ONECUT1: variants seen among roughly 807,000 people sequenced by gnomAD.
ONECUT1 encodes hepatocyte nuclear factor 6.
In ONECUT1, 12 loss-of-function variants were observed where a neutral mutation model predicts 25.6. That is an observed-to-expected ratio of 0.47 (90% confidence interval 0.30 to 0.76). The LOEUF is 0.76. Among genes scored for constraint, ONECUT1 ranks in the 30% least tolerant of loss-of-function variants. ONECUT1 has a pLI of 0.07. For missense variants in ONECUT1, 620 were observed against 651.2 expected (o/e 0.95, Z 0.52); for synonymous variants, 285 against 270.2 (o/e 1.05, Z -0.54).
intron 1 of ONECUT1, among the ~76,000 whole-genome samples, chr15:52,764,356 A>C (rs922051475): frequency 2.6e-5 from 4 of 152,202 alleles, no homozygotes; most frequent in African/African-American, 9.7e-5. Context: ...AATTTGGGGG[A>C]CACATTCAAA....
Position 52,789,459 on chromosome 15 carries a change from C to A in ONECUT1, c.426G>T (p.Ala142=). The change falls in exon 1 of 2, where the codon GCG becomes GCT. Residue 142 remains alanine, a synonymous_variant. Coordinates refer to ENST00000305901, the MANE Select transcript of ONECUT1 (RefSeq NM_004498.4). This position sits in a 1 kb window ranked among gnomAD's most constrained non-coding sequence, Gnocchi z 4.1. The part of the protein sequence containing the change: ...HHHPHHHQRL[A]GNVSGSFTLM... Reference sequence around the variant, plus strand: ...GCGTGAAGCTACCGCTCACGTTGCCCGCCAGGCGCTGGTGGTGGTGCGGGT... The same window carrying A: ...GCGTGAAGCTACCGCTCACGTTGCCAGCCAGGCGCTGGTGGTGGTGCGGGT... 1 of 1,613,650 alleles carries A rather than the reference C, an allele frequency of 6.2e-7. No individual in the cohort carries two copies. The highest frequency in any genetic ancestry group is 8.5e-7 in the Non-Finnish European group (1 of 1,179,982).
intron 1 of ONECUT1, chr15:52,781,290 C>G (rs1566993335): frequency 6.6e-6 from 1 of 152,218 alleles, no homozygotes; most frequent in Non-Finnish European, 1.5e-5. Flanking sequence ...ACATCTACTT[C>G]TGGCACTTCC....
intron 1 of ONECUT1, among the ~76,000 whole-genome samples, chr15:52,786,766 T>A (rs1462375466): frequency 6.8e-6 from 1 of 148,042 alleles, no homozygotes; most frequent in East Asian, 2.1e-4. Flanking sequence ...CGTGTCAGTC[T>A]GTCCTTCCAG....
chr15:52,762,354 T>A (rs1291579036), intron 1 of ONECUT1, among the ~76,000 whole-genome samples: 1 of 152,250 alleles, frequency 6.6e-6, no homozygotes, highest in East Asian at 1.9e-4. Context: ...CTATTATATA[T>A]TGCCTCTTCC....
Position 52,768,055 on chromosome 15 carries a change from G to T in ONECUT1, c.1106-10208C>A, listed in dbSNP as rs116533066. 9.2e-3 allele frequency among the ~76,000 whole-genome samples: 1,407 copies of T among 152,172 alleles called. 16 individuals carry two copies. Among genetic ancestry groups the T allele is most frequent in the African/African-American group, 0.027 (1,119 of 41,514 alleles). On this transcript the variant is annotated intron_variant, in intron 1 of 1. Coordinates refer to ENST00000305901, the MANE Select transcript of ONECUT1 (RefSeq NM_004498.4). ...GCTGGGAAGGGTAGTGGGGAGTGGG[G>T]GATAAAGAGGGGATGCTTAATGGGT... is the stretch of plus-strand genomic sequence containing the variant.
intron 1 of ONECUT1, among the ~76,000 whole-genome samples, chr15:52,782,103 G>A (rs558712188): frequency 4.6e-5 from 7 of 152,252 alleles, no homozygotes; most frequent in African/African-American, 1.7e-4. Context: ...TTTTACACAC[G>A]TAAACATGTG....
At chr15:52,786,665 T>C (rs554327434) in intron 1 of ONECUT1, among the ~76,000 whole-genome samples, 25 of 152,368 alleles carry the variant, frequency 1.6e-4, no homozygotes, top group African/African-American at 4.6e-4. Flanking sequence ...TGCCGTCCCC[T>C]GAGCTCGGCT....
Position 52,757,337 on chromosome 15 carries a change from C to G in ONECUT1, c.*218G>C, listed in dbSNP as rs1235020160. The stretch of plus-strand genomic sequence containing the variant: ...GATCCAGTGGTGTTTTCCTGCTCAT[C>G]ATTTGTCTTGCCAAGTCGCCGCCCT... On this transcript the variant is annotated 3_prime_UTR_variant, in exon 2 of 2. Coordinates refer to ENST00000305901, the MANE Select transcript of ONECUT1 (RefSeq NM_004498.4). 1.9e-6 allele frequency: 1 copy of G among 537,910 alleles called. No individual in the cohort carries two copies. Among genetic ancestry groups the G allele is most frequent in the East Asian group, 3.2e-5 (1 of 31,738 alleles). 33.3% of individuals were successfully genotyped at this position (537,910 alleles called of 1,614,324 possible).
At chr15:52,778,340 A>G (rs2083817763) in intron 1 of ONECUT1, among the ~76,000 whole-genome samples, 1 of 152,202 alleles carries the variant, frequency 6.6e-6, no homozygotes, top group African/African-American at 2.4e-5. Context: ...TTGTCAGTGA[A>G]CGTTTAGGCT....
chr15:52,758,899 C>A (rs1004247828), intron 1 of ONECUT1, among the ~76,000 whole-genome samples: 1 of 151,904 alleles, frequency 6.6e-6, no homozygotes, highest in Non-Finnish European at 1.5e-5. Flanking sequence ...GCCCCTCCAC[C>A]CAATCTCCAC....
intron 1 of ONECUT1, 149 bp from the exon 2 acceptor site, chr15:52,757,996 G>A (rs2083684398): frequency 1.2e-6 from 1 of 811,502 alleles, no homozygotes; most frequent in Non-Finnish European, 1.9e-6. Context: ...AGGCTGGGAG[G>A]AAAGTGTAAT....
chr15:52,773,145 T>C (rs2083778898), intron 1 of ONECUT1, among the ~76,000 whole-genome samples: 1 of 152,154 alleles, frequency 6.6e-6, no homozygotes, highest in Non-Finnish European at 1.5e-5. Context: ...GGTTTGTTTA[T>C]TTTATGGGTA....
chr15:52,781,901 A>C (rs1208216407), intron 1 of ONECUT1, among the ~76,000 whole-genome samples: 4 of 152,354 alleles, frequency 2.6e-5, no homozygotes, highest in African/African-American at 9.6e-5. Context: ...TACCCAACAA[A>C]TAGAATGTGC....
intron 1 of ONECUT1, among the ~76,000 whole-genome samples, chr15:52,770,811 A>C (rs189100836): frequency 1.3e-5 from 2 of 152,356 alleles, no homozygotes; most frequent in Admixed American, 1.3e-4. Context: ...CAAATCACTC[A>C]GAAATAAAAG....
In ONECUT1 at chr15:52,777,737, C is replaced by CACACAA. The variant is rs57187579; in HGVS notation, c.1105+11042_1105+11043insTTGTGT. 8.3e-4 allele frequency among the ~76,000 whole-genome samples: 86 copies of CACACAA among 103,436 alleles called. 2 individuals carry two copies. Among genetic ancestry groups the CACACAA allele is most frequent in the African/African-American group, 3.0e-3 (68 of 22,582 alleles). The allele number at this position is 103,436 out of a possible 152,430, so 67.9% of individuals were successfully genotyped here. On this transcript the variant is annotated intron_variant, in intron 1 of 1. Transcript: ENST00000305901. ...ACACACACACACACACACACACACA[C>CACACAA]AAAAAAACATGTAAAGTTATTTGTT... is the stretch of plus-strand genomic sequence containing the variant.
intron 1 of ONECUT1, among the ~76,000 whole-genome samples, chr15:52,761,977 A>G (rs2083708635): frequency 6.6e-6 from 1 of 152,208 alleles, no homozygotes; most frequent in African/African-American, 2.4e-5. Context: ...AGCAGGATGT[A>G]TGGGATCTGG....
At chr15:52,777,723 C>A (rs2083810209) in intron 1 of ONECUT1, among the ~76,000 whole-genome samples, 1 of 102,908 alleles carries the variant, frequency 9.7e-6, no homozygotes, top group African/African-American at 7.7e-5. Context: ...CACACACACA[C>A]ACACACACAC....
chr15:52,765,191 G>T (rs936781418), intron 1 of ONECUT1, among the ~76,000 whole-genome samples: 4 of 152,222 alleles, frequency 2.6e-5, no homozygotes, highest in Non-Finnish European at 5.9e-5. Flanking sequence ...GGTGGGAAAT[G>T]GGAGTGACTA....
At chr15:52,768,017 A>G (rs1244190959) in intron 1 of ONECUT1, among the ~76,000 whole-genome samples, 1 of 152,178 alleles carries the variant, frequency 6.6e-6, no homozygotes, top group Non-Finnish European at 1.5e-5. Flanking sequence ...GAGTCGAATG[A>G]TGGTTACCAG....
Sources: allele counts gnomAD v4.1 joint callset (sites outside exome capture counted in the v4.1 genomes callset), GRCh38; gene constraint gnomAD v4.1.1; non-coding constraint Gnocchi (gnomAD v3.1); transcripts MANE v1.5; gene names NCBI Gene and HGNC (gene_info 2026-07-23, HGNC 2026-07-21).